Variants in CFAP47 observed in about 807,000 individuals in gnomAD.
The protein encoded by CFAP47 is cilia- and flagella-associated protein 47.
Under a neutral mutation model 148.1 loss-of-function variants are expected in CFAP47, and 29 were observed. The ratio of observed to expected loss-of-function variants is 0.20; its 90% CI spans 0.15 to 0.27. The LOEUF is 0.27. CFAP47 is among the 10% of genes least tolerant of loss of function. The pLI is 1.00. For synonymous variants in CFAP47, 664 were observed against 577.3 expected (o/e 1.15, Z -2.15); for missense variants, 1,872 against 1,697.5 (o/e 1.10, Z -1.81).
chrX:36,053,624 G>A (rs1937532004), intron 26 of CFAP47, among the ~76,000 whole-genome samples: 1 of 111,494 alleles, frequency 9.0e-6, no homozygotes, highest in Non-Finnish European at 1.9e-5. Context: ...GTTTGTAATG[G>A]CACCTTCATC....
intron 63 of CFAP47, among the ~76,000 whole-genome samples, chrX:36,382,685 G>A (rs1306119930): frequency 1.8e-5 from 2 of 111,189 alleles, no homozygotes; most frequent in African/African-American, 6.5e-5. Flanking sequence ...ATGAGATCAC[G>A]GACTTTGGGT....
chrX:36,241,235 A>G (rs1291390493), intron 48 of CFAP47, among the ~76,000 whole-genome samples: 5 of 111,933 alleles, frequency 4.5e-5, no homozygotes, highest in African/African-American at 1.6e-4. Context: ...AGATGTTTTC[A>G]GAAAGTAGGC....
intron 39 of CFAP47, among the ~76,000 whole-genome samples, chrX:36,172,130 AT>A (rs1386170279): frequency 9.5e-6 from 1 of 105,075 alleles, no homozygotes; most frequent in East Asian, 3.0e-4. Context: ...AATGCTTGTG[AT>A]TTTTGTACAT....
At chrX:36,128,052 G>T (rs12688133) in intron 33 of CFAP47, among the ~76,000 whole-genome samples, 13,335 of 110,406 alleles carry the variant, frequency 0.12, 808 homozygotes, top group East Asian at 0.28. Flanking sequence ...GAGACAATTT[G>T]CCTTCCTCTC....
intron 51 of CFAP47, among the ~76,000 whole-genome samples, chrX:36,289,295 C>T (rs1470932254): frequency 1.8e-5 from 2 of 110,644 alleles, no homozygotes; most frequent in African/African-American, 6.6e-5. Flanking sequence ...TGAGCCACCG[C>T]ACCCGGGCCT....
rs1028195100 is a variant in CFAP47 at position 36,190,068 on chromosome X, A to G, written c.6193A>G (p.Ile2065Val). The G allele has an allele frequency of 3.4e-6, 1 of 297,979 alleles. No individual in the cohort carries two copies. The highest frequency in any genetic ancestry group is 5.9e-6 in the Non-Finnish European group (1 of 170,221). The allele number at this position is 297,979 out of a possible 1,213,427, so 24.6% of individuals were successfully genotyped here. ...VLHTSIKSTF[I>V]REFFCSMHTV... ...TTTGCTAGCAATTAAGTCCACTTTT[A>G]TCAGAGAGTTCTTCTGCTCCATGCA... is the stretch of plus-strand genomic sequence containing the variant. Residue 2065 changes from isoleucine to valine, a missense_variant, in exon 42 of 64, where the codon ATC becomes GTC. Transcript: ENST00000378653.
intron 15 of CFAP47, among the ~76,000 whole-genome samples, chrX:35,980,932 C>T (rs1325464367): frequency 9.1e-6 from 1 of 109,633 alleles, no homozygotes; most frequent in Non-Finnish European, 1.9e-5. Flanking sequence ...AACATATATG[C>T]GTGTATATAT....
At chrX:36,093,257 C>A (rs1300545573) in intron 30 of CFAP47, among the ~76,000 whole-genome samples, 1 of 111,081 alleles carries the variant, frequency 9.0e-6, no homozygotes, top group Non-Finnish European at 1.9e-5. Context: ...GATTTCGTTT[C>A]TTTTGGCTAT....
At chrX:35,933,868 C>T (rs1018383052) in intron 2 of CFAP47, among the ~76,000 whole-genome samples, 1 of 111,940 alleles carries the variant, frequency 8.9e-6, no homozygotes, top group African/African-American at 3.3e-5. Flanking sequence ...ATTTGTATGT[C>T]TTCTTTTGAG....
chrX:36,053,507 G>A (rs952780044), intron 26 of CFAP47, among the ~76,000 whole-genome samples: 1 of 111,609 alleles, frequency 9.0e-6, no homozygotes, highest in African/African-American at 3.3e-5. Flanking sequence ...TGTTGTGTGT[G>A]TAGATAGAAT....
chrX:36,275,918 G>C (rs782369099), intron 49 of CFAP47, among the ~76,000 whole-genome samples: 2 of 110,686 alleles, frequency 1.8e-5, no homozygotes, highest in African/African-American at 6.6e-5. Context: ...GACAGTTTTC[G>C]TAGATTATGT....
intron 26 of CFAP47, among the ~76,000 whole-genome samples, chrX:36,049,493 C>T (rs772690707): frequency 0.04 from 3,752 of 94,655 alleles, 157 homozygotes; most frequent in African/African-American, 0.14. Flanking sequence ...CTCTCTCACA[C>T]ACACACACAC....
chrX:35,982,335 T>G, intron 15 of CFAP47, among the ~76,000 whole-genome samples: 1 of 111,871 alleles, frequency 8.9e-6, no homozygotes, highest in East Asian at 2.8e-4. Context: ...TCTGTTCATA[T>G]CCTTTGCCCA....
intron 48 of CFAP47, among the ~76,000 whole-genome samples, chrX:36,245,257 A>G (rs1274301069): frequency 2.7e-5 from 3 of 111,909 alleles, no homozygotes; most frequent in African/African-American, 9.7e-5. Flanking sequence ...AGCTGGAAGC[A>G]TTCACCTTGA....
At chrX:36,324,743 A>C (rs140025373) in intron 57 of CFAP47, among the ~76,000 whole-genome samples, 6,474 of 111,482 alleles carry the variant, frequency 0.058, 165 homozygotes, top group Middle Eastern at 0.13. Context: ...TATAGGAAAC[A>C]AGATCTTTCA....
At chrX:36,037,606 C>T (rs1937354088) in intron 24 of CFAP47, among the ~76,000 whole-genome samples, 1 of 110,906 alleles carries the variant, frequency 9.0e-6, no homozygotes, top group Non-Finnish European at 1.9e-5. Context: ...AGAAAACACT[C>T]TCAGCTTAAA....
intron 45 of CFAP47, among the ~76,000 whole-genome samples, chrX:36,227,540 C>T (rs946108566): frequency 1.8e-5 from 2 of 111,652 alleles, no homozygotes; most frequent in Non-Finnish European, 3.8e-5. Flanking sequence ...AATGTTCTTG[C>T]GTATAAATGT....
At chrX:36,073,626 C>T (rs1937796265) in intron 29 of CFAP47, among the ~76,000 whole-genome samples, 1 of 110,707 alleles carries the variant, frequency 9.0e-6, no homozygotes, top group Admixed American at 9.7e-5. Flanking sequence ...CTGAACCTCA[C>T]CTTCCTCATC....
chrX:36,385,123 T>G lies in CFAP47; in HGVS notation c.*117T>G. 2.1e-6 allele frequency: 1 copy of G among 485,691 alleles called. No homozygotes were observed. Among genetic ancestry groups the G allele is most frequent in the Non-Finnish European group, 3.5e-6 (1 of 286,552 alleles). 40.0% of individuals were successfully genotyped at this position (485,691 alleles called of 1,213,427 possible). On this transcript the variant is annotated 3_prime_UTR_variant, in exon 64 of 64. Transcript: ENST00000378653. ...TTATAATAGGCCTTCTATATTTCCTTGTCTTTTAAAATTCAATCTGTTCTC... is the reference window on the plus strand; with the variant it reads ...TTATAATAGGCCTTCTATATTTCCTGGTCTTTTAAAATTCAATCTGTTCTC...
Sources: allele counts gnomAD v4.1 joint callset (sites outside exome capture counted in the v4.1 genomes callset), GRCh38; gene constraint gnomAD v4.1.1; transcripts MANE v1.5; gene names NCBI Gene and HGNC (gene_info 2026-07-23, HGNC 2026-07-21).